The following FSTL4 variants were observed in gnomAD, a reference collection of about 807,000 sequenced individuals.
FSTL4 encodes the protein follistatin-related protein 4.
In FSTL4, 28 loss-of-function variants were observed where a neutral mutation model predicts 78.2. That is an observed-to-expected ratio of 0.36 (90% confidence interval 0.27 to 0.49). The LOEUF (loss-of-function observed/expected upper bound fraction) is 0.49, where lower values mean the gene tolerates loss of function less well. Among genes scored for constraint, FSTL4 ranks in the 20% least tolerant of loss-of-function variants. FSTL4 has a pLI of 0.98. For missense variants in FSTL4, 922 were observed against 1,084.9 expected, an observed-to-expected ratio of 0.85 and a Z score of 2.11; for synonymous variants, 422 against 440.5, an observed-to-expected ratio of 0.96 and a Z score of 0.53.
chr5:133,642,999 G>A, the FSTL4 span, among the ~76,000 whole-genome samples: 5 of 152,192 alleles, frequency 3.3e-5, no homozygotes, highest in South Asian at 8.3e-4. Flanking sequence ...TGAGACTGCA[G>A]TAACCTTAGA....
At chr5:133,287,800 C>G (rs1159997110) in intron 6 of FSTL4, among the ~76,000 whole-genome samples, 1 of 152,220 alleles carries the variant, frequency 6.6e-6, no homozygotes, top group Non-Finnish European at 1.5e-5. Flanking sequence ...CACTGTTCTT[C>G]CTGCCCTTTA....
At chr5:133,709,695 G>A in the FSTL4 span, among the ~76,000 whole-genome samples, 1 of 152,116 alleles carries the variant, frequency 6.6e-6, no homozygotes, top group African/African-American at 2.4e-5. Context: ...GAAAAATGAT[G>A]GTTTCATCTC....
chr5:133,272,853 A>G (rs552067663), intron 6 of FSTL4, among the ~76,000 whole-genome samples: 4 of 152,350 alleles, frequency 2.6e-5, no homozygotes, highest in Non-Finnish European at 5.9e-5. Flanking sequence ...AGAAGATGAA[A>G]ACTTGGGCCA....
At chr5:133,412,303 C>T (rs757767639) in intron 3 of FSTL4, among the ~76,000 whole-genome samples, 1 of 151,968 alleles carries the variant, frequency 6.6e-6, no homozygotes, top group Non-Finnish European at 1.5e-5. Context: ...TAGGAAAAGG[C>T]AAATCAGTGA....
At chr5:133,322,036 T>C (rs1580614970) in intron 4 of FSTL4, among the ~76,000 whole-genome samples, 1 of 152,214 alleles carries the variant, frequency 6.6e-6, no homozygotes, top group South Asian at 2.1e-4. Context: ...TGTCTTTGCC[T>C]TTGTGGTAAC....
chr5:133,400,801 G>A lies in FSTL4; in HGVS notation c.346C>T (p.Arg116Cys), dbSNP rs755153112. ...RFYENHCKLH[R>C]AACLLGKRIT... ...CTCTTTCCCAGGAGGCAAGCAGCAC[G>A]GTGGAGCTTACAGTGGTTTTCATAA... The change falls in exon 4 of 16, where the codon CGT (arginine) becomes TGT (cysteine). Residue 116 changes from arginine to cysteine, a missense_variant. Physicochemically the swap from Arg to Cys is radical, Grantham distance 180 (BLOSUM62 -3). Coordinates refer to ENST00000265342, the MANE Select transcript of FSTL4 (RefSeq NM_015082.2). 18 of 1,613,856 alleles carry A rather than the reference G, an allele frequency of 1.1e-5. No homozygotes were observed. The highest frequency in any genetic ancestry group is 1.6e-4 in the Middle Eastern group (1 of 6,084).
intron 3 of FSTL4, among the ~76,000 whole-genome samples, chr5:133,521,050 T>C (rs1045534606): frequency 1.3e-5 from 2 of 152,052 alleles, no homozygotes; most frequent in Admixed American, 1.3e-4. Flanking sequence ...AGAAATTTTT[T>C]TTTCATCAAG....
the FSTL4 span, among the ~76,000 whole-genome samples, chr5:133,668,777 T>A: frequency 6.6e-6 from 1 of 152,094 alleles, no homozygotes; most frequent in African/African-American, 2.4e-5. Context: ...GAGGGGTGAT[T>A]TCGGGTGTGA....
intron 2 of FSTL4, among the ~76,000 whole-genome samples, chr5:133,598,372 C>T (rs183462365): frequency 2.2e-5 from 3 of 135,382 alleles, no homozygotes; most frequent in East Asian, 4.2e-4. Context: ...GATCCCAGAC[C>T]GTTCACAAGC....
intron 15 of FSTL4, among the ~76,000 whole-genome samples, chr5:133,201,122 T>C (rs953441304): frequency 4.6e-5 from 7 of 152,268 alleles, no homozygotes; most frequent in Non-Finnish European, 7.3e-5. Context: ...GAATCATTTC[T>C]TTCTGCAGAG....
intron 7 of FSTL4, among the ~76,000 whole-genome samples, chr5:133,237,467 T>G (rs4958108): frequency 1 from 151,803 of 151,998 alleles, 75,804 homozygotes; most frequent in Middle Eastern, 1. Flanking sequence ...TGCTGAGGGG[T>G]GTGTGTGTCA....
At chr5:133,244,053 C>T (rs954667436) in intron 7 of FSTL4, 1 of 152,422 alleles carries the variant, frequency 6.6e-6, no homozygotes, top group African/African-American at 2.4e-5. Flanking sequence ...GAAAGTGAGG[C>T]AGCACCCCAT....
chr5:133,408,512 ACG>A (rs1413869822), intron 3 of FSTL4, among the ~76,000 whole-genome samples: 1 of 146,184 alleles, frequency 6.8e-6, no homozygotes, highest in East Asian at 2.1e-4. Context: ...GCCAGAGGCC[ACG>A]CTGCTGTGGG....
chr5:133,722,325 T>C, the FSTL4 span, among the ~76,000 whole-genome samples: 1 of 152,180 alleles, frequency 6.6e-6, no homozygotes, highest in Non-Finnish European at 1.5e-5. Context: ...CCACCCAGTC[T>C]GTGGAAGAAT....
At chr5:133,290,063 T>C (rs1753223062) in intron 6 of FSTL4, among the ~76,000 whole-genome samples, 1 of 152,144 alleles carries the variant, frequency 6.6e-6, no homozygotes, top group Non-Finnish European at 1.5e-5. Flanking sequence ...GATCAAGAAT[T>C]CAGCCTCAGA....
At chr5:133,549,574 G>T (rs1296893143) in intron 3 of FSTL4, among the ~76,000 whole-genome samples, 1 of 151,800 alleles carries the variant, frequency 6.6e-6, no homozygotes, top group African/African-American at 2.4e-5. Context: ...TTGGTGTTTT[G>T]CATCCTTTCA....
chr5:133,656,852 G>A, the FSTL4 span, among the ~76,000 whole-genome samples: 1 of 152,174 alleles, frequency 6.6e-6, no homozygotes, highest in Non-Finnish European at 1.5e-5. Context: ...AAGAAGACCA[G>A]GAAGGAGACT....
At chr5:133,462,592 T>C (rs1470200578) in intron 3 of FSTL4, among the ~76,000 whole-genome samples, 1 of 152,114 alleles carries the variant, frequency 6.6e-6, no homozygotes, top group African/African-American at 2.4e-5. Context: ...ATGACAACGA[T>C]TGGTTCGGGA....
the FSTL4 span, among the ~76,000 whole-genome samples, chr5:133,623,555 A>C: frequency 2.4e-4 from 36 of 152,062 alleles, no homozygotes; most frequent in Non-Finnish European, 2.2e-4. Context: ...TTGGGGGGAA[A>C]TCATAGGAGT....
Sources: gnomAD v4.1 joint callset for allele counts (sites outside exome capture counted in the v4.1 genomes callset) on GRCh38, gnomAD v4.1.1 for gene constraint, MANE v1.5 for transcripts, NCBI Gene and HGNC (gene_info 2026-07-23, HGNC 2026-07-21) for gene names.